Variants in VIL1 observed in about 807,000 individuals in gnomAD.
The protein encoded by VIL1 is villin-1.
VIL1 carries 86 observed loss-of-function variants against 104.0 expected under a neutral mutation model. The ratio of observed to expected loss-of-function variants is 0.83; its 90% confidence interval spans 0.69 to 0.99. VIL1 has a LOEUF of 0.99. Among genes scored for constraint, VIL1 ranks in the 50% least tolerant of loss-of-function variants. VIL1 has a pLI of 0.00. For missense variants in VIL1, 944 were observed against 1,054.1 expected, an observed-to-expected ratio of 0.90 and a Z score of 1.45; for synonymous variants, 394 against 412.6, an observed-to-expected ratio of 0.95 and a Z score of 0.55.
In VIL1 at chr2:218,449,443, C is replaced by T. The variant is rs868163586; in HGVS notation, c.*107C>T. 1.1e-6 allele frequency: 1 copy of T among 893,466 alleles called. No homozygotes were observed. Among genetic ancestry groups the T allele is most frequent in the Non-Finnish European group, 1.8e-6 (1 of 548,930 alleles). 55.3% of individuals were successfully genotyped at this position (893,466 alleles called of 1,614,324 possible). On this transcript the variant is annotated 3_prime_UTR_variant, in exon 20 of 20. Transcript: ENST00000248444. Reference sequence around the variant, plus strand: ...TTGAAGTGAAATTTTGCAGATGTGCCTATGAGCACAAACTTCTGTGGCAAA... The same window carrying T: ...TTGAAGTGAAATTTTGCAGATGTGCTTATGAGCACAAACTTCTGTGGCAAA...
chr2:218,445,753 G>A (rs1689354177), intron 19 of VIL1, among the ~76,000 whole-genome samples: 1 of 152,026 alleles, frequency 6.6e-6, no homozygotes, highest in African/African-American at 2.4e-5. Flanking sequence ...ATGAAGGCAG[G>A]GAGATGATGT....
At chr2:218,429,817 C>T in intron 8 of VIL1, 32 bp from the exon 9 acceptor site, 1 of 1,600,746 alleles carries the variant, frequency 6.2e-7, no homozygotes, top group Non-Finnish European at 8.6e-7. Flanking sequence ...GCACCTCCAG[C>T]TCCATCAGAC....
chr2:218,430,719 T>A lies in VIL1; in HGVS notation c.949-6T>A, dbSNP rs1298403224. The A allele has an allele frequency of 3.8e-6, 6 of 1,576,528 alleles. No homozygotes were observed. Among genetic ancestry groups the A allele is most frequent in the African/African-American group, 1.4e-5 (1 of 73,986 alleles). ...CATAGCTTCCAGCCACCCCTTTCTC[T>A]TCCAGAACTTCATCAAAGCCAAGCA... On this transcript the variant is annotated splice_region_variant and splice_polypyrimidine_tract_variant and intron_variant, in intron 9 of 19. Transcript: ENST00000248444.
Position 218,425,770 on chromosome 2 carries a change from C to T in VIL1, c.306C>T (p.Asn102=), listed in dbSNP as rs777388561. The T allele has an allele frequency of 5.0e-6, 8 of 1,613,436 alleles. No homozygotes were observed. Among genetic ancestry groups the T allele is most frequent in the East Asian group, 2.2e-5 (1 of 44,896 alleles). The change falls in exon 4 of 20, where the codon AAC becomes AAT. Residue 102 remains asparagine (N), a synonymous_variant. Coordinates refer to ENST00000248444, the MANE Select transcript of VIL1 (RefSeq NM_007127.3). ...TGCAGCACCGCGAGGTCCAGGGCAA[C>T]GAGAGCGAGGCCTTCCGAGGCTACT... ...RAVQHREVQG[N]ESEAFRGYFK... is the part of the protein sequence containing the mutation.
intron 18 of VIL1, among the ~76,000 whole-genome samples, chr2:218,439,889 G>A (rs749696856): frequency 1.3e-5 from 2 of 151,648 alleles, no homozygotes; most frequent in Admixed American, 6.6e-5. Context: ...CCTGGGACAC[G>A]GGAATATGAA....
At position 218,434,347 on chromosome 2, in the gene VIL1, C is replaced by T. The variant is rs148719239; in HGVS notation, c.1501-179C>T. On this transcript the variant is annotated intron_variant, in intron 13 of 19. Coordinates refer to ENST00000248444, the MANE Select transcript of VIL1 (RefSeq NM_007127.3). Reference sequence around the variant, plus strand: ...CTAGAAGCAATGGGGAGTCACTGAACATTTTTGAAAAGAGAAACGCTGTGA... The same window carrying T: ...CTAGAAGCAATGGGGAGTCACTGAATATTTTTGAAAAGAGAAACGCTGTGA... 3.3e-5 allele frequency among the ~76,000 whole-genome samples: 5 copies of T among 152,270 alleles called. No individual in the cohort carries two copies. The East Asian group carries it at 9.6e-4, about 29-fold the overall frequency.
intron 3 of VIL1, 89 bp downstream of exon 3, chr2:218,424,440 T>C (rs1688946021): frequency 7.2e-7 from 1 of 1,390,868 alleles, no homozygotes; most frequent in East Asian, 2.3e-5. Flanking sequence ...GTGGGGAGAG[T>C]TGGCCTGGCT....
intron 13 of VIL1, 116 bp downstream of exon 13, chr2:218,433,067 T>C (rs911401612): frequency 2.2e-5 from 28 of 1,275,790 alleles, no homozygotes; most frequent in Non-Finnish European, 2.7e-5. Context: ...CCATTCTTCA[T>C]AGGAGACTAC....
intron 18 of VIL1, 56 bp downstream of exon 18, chr2:218,438,782 G>A: frequency 1.3e-6 from 2 of 1,507,864 alleles, no homozygotes; most frequent in Admixed American, 1.9e-5. Context: ...GGTCAGACCT[G>A]TGGGAGCCAA....
intron 1 of VIL1, among the ~76,000 whole-genome samples, chr2:218,421,335 C>T (rs1688896559): frequency 6.6e-6 from 1 of 151,998 alleles, no homozygotes; most frequent in Admixed American, 6.6e-5. Flanking sequence ...GGATGCTGCA[C>T]AGATGGCTGA....
intron 19 of VIL1, among the ~76,000 whole-genome samples, chr2:218,441,768 A>G (rs1019150938): frequency 3.3e-5 from 5 of 152,120 alleles, no homozygotes; most frequent in African/African-American, 9.7e-5. Flanking sequence ...AATGCGGATC[A>G]CCTGAGGTCA....
chr2:218,432,902 A>G lies in VIL1; in HGVS notation c.1451A>G (p.Glu484Gly), dbSNP rs1290420246. Reference sequence around the variant, plus strand: ...CAGATCCGGGTCCCAATGGGCAAGGAGCCACCTCATCTTATGTCCATCTTC... The same window carrying G: ...CAGATCCGGGTCCCAATGGGCAAGGGGCCACCTCATCTTATGTCCATCTTC... ...PVQIRVPMGK[E>G]PPHLMSIFKG... The change falls in exon 13 of 20, where the codon GAG becomes GGG. Residue 484 changes from glutamate (E) to glycine (G), a missense_variant. By Grantham distance (98) the Glu-to-Gly change is moderately conservative (BLOSUM62 -2). Coordinates refer to ENST00000248444, the MANE Select transcript of VIL1 (RefSeq NM_007127.3). The G allele has an allele frequency of 1.9e-6, 3 of 1,614,224 alleles. No individual in the cohort carries two copies. The highest frequency in any genetic ancestry group is 3.3e-5 in the Admixed American group (2 of 60,026).
chr2:218,442,932 G>A (rs1689306948), intron 19 of VIL1, among the ~76,000 whole-genome samples: 1 of 152,118 alleles, frequency 6.6e-6, no homozygotes, highest in Non-Finnish European at 1.5e-5. Context: ...CACCTGTGAG[G>A]TTGCTGGGAG....
chr2:218,445,332 T>C (rs760074543), intron 19 of VIL1, among the ~76,000 whole-genome samples: 4 of 151,948 alleles, frequency 2.6e-5, no homozygotes, highest in Non-Finnish European at 5.9e-5. Flanking sequence ...CCCAGGAGAT[T>C]GGGGCTGCAG....
chr2:218,432,149 G>A lies in VIL1; in HGVS notation c.1307G>A (p.Gly436Asp). Residue 436 changes from glycine to aspartate, a missense_variant, in exon 12 of 20, where the codon GGC (glycine) becomes GAC (aspartate). Physicochemically the swap from Gly to Asp is moderately conservative, Grantham distance 94 (BLOSUM62 -1). Transcript: ENST00000248444. ...CYLLLYTYLI[G>D]EKQHYLLYVW... is the part of the protein sequence containing the mutation. Reference sequence around the variant, plus strand: ...CTGCTGCTCTACACCTACCTCATCGGCGAGAAGCAGCATTACCTGCTCTAC... The same window carrying A: ...CTGCTGCTCTACACCTACCTCATCGACGAGAAGCAGCATTACCTGCTCTAC... 6.2e-7 allele frequency: 1 copy of A among 1,613,948 alleles called. No homozygotes were observed. Among genetic ancestry groups the A allele is most frequent in the Non-Finnish European group, 8.5e-7 (1 of 1,179,966 alleles).
intron 15 of VIL1, 131 bp from the exon 16 acceptor site, chr2:218,436,351 A>G: frequency 8.1e-7 from 1 of 1,236,134 alleles, no homozygotes. Flanking sequence ...CCCTTTTATC[A>G]ATCAGAAGAT....
intron 16 of VIL1, 79 bp downstream of exon 16, chr2:218,436,705 G>GT: frequency 6.6e-7 from 1 of 1,518,498 alleles, no homozygotes; most frequent in Non-Finnish European, 8.9e-7. Context: ...TTAAGGTTAG[G>GT]TAAGTGTCAA....
At chr2:218,438,568 A>G (rs1689234019) in intron 17 of VIL1, 90 bp from the exon 18 acceptor site, 1 of 1,258,954 alleles carries the variant, frequency 7.9e-7, no homozygotes, top group Non-Finnish European at 1.1e-6. Flanking sequence ...GCCCCAGACC[A>G]GCCTTCTTTT....
intron 17 of VIL1, 51 bp downstream of exon 17, chr2:218,437,363 G>A (rs756024012): frequency 1.3e-6 from 2 of 1,585,400 alleles, no homozygotes; most frequent in South Asian, 1.1e-5. Context: ...CTGGAGATCA[G>A]TGCTGATTCC....
Sources: allele counts gnomAD v4.1 joint callset (sites outside exome capture counted in the v4.1 genomes callset), GRCh38; gene constraint gnomAD v4.1.1; transcripts MANE v1.5; gene names NCBI Gene and HGNC (gene_info 2026-07-23, HGNC 2026-07-21).